The following FBLN1 variants were observed in gnomAD, a reference collection of about 807,000 sequenced individuals.
FBLN1 encodes fibulin 1.
In FBLN1, 34 loss-of-function variants were observed where a neutral mutation model predicts 89.7. That is an observed-to-expected ratio of 0.38 (90% CI 0.29 to 0.50). The LOEUF is 0.50. Among genes scored for constraint, FBLN1 ranks in the 20% least tolerant of loss-of-function variants. FBLN1 has a pLI of 0.92. For missense variants in FBLN1, 777 were observed against 988.1 expected (o/e 0.79, Z 2.86); for synonymous variants, 393 against 391.3 (o/e 1.00, Z -0.05).
chr22:45,554,410 C>T (rs1469029395), intron 14 of FBLN1, among the ~76,000 whole-genome samples: 5 of 152,336 alleles, frequency 3.3e-5, no homozygotes, highest in Non-Finnish European at 7.4e-5. Context: ...GCACCCGTGC[C>T]CACCTTCTTT....
chr22:45,541,282 A>AT lies in FBLN1; in HGVS notation c.977dup (p.Asn327GlnfsTer30). 1.2e-6 allele frequency: 2 copies of AT among 1,614,244 alleles called. No individual in the cohort carries two copies. The highest frequency in any genetic ancestry group is 1.7e-6 in the Non-Finnish European group (2 of 1,180,030). On this transcript the variant is annotated frameshift_variant, in exon 9 of 17. Coordinates refer to ENST00000327858, the MANE Select transcript of FBLN1 (RefSeq NM_006486.3). LOFTEE classifies it high-confidence loss of function. ...CCCGTGCCCTATCGGGCATACATGC[A>AT]TCAACACAGAGGGCTCCTACACGTG...
At position 45,561,851 on chromosome 22, in the gene FBLN1, C is replaced by T. The variant is rs9626393; in HGVS notation, c.1697+11236C>T. ...TCCCAAAACTGAAGAACTTGGAGTCCGATGTTCAAGGGCAGGAAGCATCCA... is the reference window on the plus strand; with the variant it reads ...TCCCAAAACTGAAGAACTTGGAGTCTGATGTTCAAGGGCAGGAAGCATCCA... On this transcript the variant is annotated intron_variant, in intron 14 of 16. Coordinates refer to ENST00000327858, the MANE Select transcript of FBLN1 (RefSeq NM_006486.3). The surrounding 1 kb of genome is among the most constrained non-coding windows in gnomAD (Gnocchi z 4.7). 0.015 allele frequency among the ~76,000 whole-genome samples: 2,342 copies of T among 152,154 alleles called. 67 individuals carry two copies. The highest frequency in any genetic ancestry group is 0.054 in the African/African-American group (2,254 of 41,484).
intron 8 of FBLN1, 65 bp from the exon 9 acceptor site, chr22:45,541,164 C>A: frequency 6.2e-7 from 1 of 1,606,008 alleles, no homozygotes; most frequent in Non-Finnish European, 8.5e-7. Flanking sequence ...TTTGGAGATC[C>A]AGTTTTTGGG....
At chr22:45,546,001 A>G (rs2088621473) in intron 11 of FBLN1, among the ~76,000 whole-genome samples, 1 of 152,050 alleles carries the variant, frequency 6.6e-6, no homozygotes, top group Non-Finnish European at 1.5e-5. Flanking sequence ...TACAAAAATT[A>G]GCCGGGCATG....
chr22:45,533,558 GA>G, intron 6 of FBLN1, among the ~76,000 whole-genome samples: 2 of 152,318 alleles, frequency 1.3e-5, no homozygotes, highest in Admixed American at 1.3e-4. Context: ...AAAAGCAGTA[GA>G]TATGAACGTT....
intron 1 of FBLN1, among the ~76,000 whole-genome samples, chr22:45,515,153 G>A (rs1296265880): frequency 6.6e-6 from 1 of 152,224 alleles, no homozygotes; most frequent in Non-Finnish European, 1.5e-5. Flanking sequence ...TGTGGGTCAG[G>A]GCCCGGCAAT....
At chr22:45,568,515 G>A (rs1192680234) in intron 14 of FBLN1, among the ~76,000 whole-genome samples, 5 of 149,212 alleles carry the variant, frequency 3.4e-5, no homozygotes, top group African/African-American at 1.2e-4. Flanking sequence ...TGCTCCTTCT[G>A]TAGGGGAATG....
chr22:45,533,252 C>T, intron 6 of FBLN1, 88 bp downstream of exon 6: 4 of 1,235,884 alleles, frequency 3.2e-6, no homozygotes, highest in Non-Finnish European at 4.8e-6. Flanking sequence ...GGCCTGCCTT[C>T]TACAACCCAG....
Position 45,536,004 on chromosome 22 carries a change from G to A in FBLN1, c.922+667G>A, listed in dbSNP as rs1306499797. On this transcript the variant is annotated intron_variant, in intron 8 of 16. Transcript: ENST00000327858. The surrounding 1 kb of genome is among the most constrained non-coding windows in gnomAD (Gnocchi z 5.1). ...TTGAGGCCAGCCTGGGCAATATAGCGAGACCCCATCACTACAAAAAATTAG... is the reference window on the plus strand; with the variant it reads ...TTGAGGCCAGCCTGGGCAATATAGCAAGACCCCATCACTACAAAAAATTAG... 2.6e-5 allele frequency among the ~76,000 whole-genome samples: 4 copies of A among 152,172 alleles called. No homozygotes were observed. The highest frequency in any genetic ancestry group is 4.4e-5 in the Non-Finnish European group (3 of 68,036).
chr22:45,565,430 C>CA, intron 14 of FBLN1: 5 of 459,164 alleles, frequency 1.1e-5, no homozygotes, highest in Non-Finnish European at 1.8e-5. Flanking sequence ...TTAGCATGTG[C>CA]CATGCTGTCC....
At chr22:45,596,773 A>T (rs530310471) in intron 16 of FBLN1, among the ~76,000 whole-genome samples, 1 of 147,222 alleles carries the variant, frequency 6.8e-6, no homozygotes, top group Non-Finnish European at 1.5e-5. Flanking sequence ...ATGGATATTT[A>T]TATATAATTA....
At chr22:45,586,819 C>T (rs912058749) in intron 16 of FBLN1, among the ~76,000 whole-genome samples, 2 of 152,044 alleles carry the variant, frequency 1.3e-5, no homozygotes, top group African/African-American at 2.4e-5. Flanking sequence ...CTGGAGTCAG[C>T]CCGAGGGCCC....
chr22:45,550,535 C>G lies in FBLN1; in HGVS notation c.1617C>G (p.Asn539Lys). 1 of 1,614,176 alleles carries G rather than the reference C, an allele frequency of 6.2e-7. No individual in the cohort carries two copies. The highest frequency in any genetic ancestry group is 8.5e-7 in the Non-Finnish European group (1 of 1,180,044). ...CVTGIHNCSI[N>K]ETCFNIQGGF... ...CTGGCATCCACAACTGCTCCATCAACGAGACCTGCTTCAACATCCAGGGCG... is the reference window on the plus strand; with the variant it reads ...CTGGCATCCACAACTGCTCCATCAAGGAGACCTGCTTCAACATCCAGGGCG... Residue 539 changes from asparagine (N) to lysine (K), a missense_variant, in exon 14 of 17, where the codon AAC (asparagine) becomes AAG (lysine). Transcript: ENST00000327858. This position sits in a 1 kb window ranked among gnomAD's most constrained non-coding sequence, Gnocchi z 8.4.
intron 1 of FBLN1, among the ~76,000 whole-genome samples, chr22:45,505,813 C>T (rs1206045897): frequency 1.3e-5 from 2 of 152,066 alleles, no homozygotes; most frequent in Non-Finnish European, 2.9e-5. Flanking sequence ...CTCTTGTCGC[C>T]CAGGCTGGAG....
intron 16 of FBLN1, among the ~76,000 whole-genome samples, chr22:45,591,240 C>A (rs752502854): frequency 6.6e-6 from 1 of 152,162 alleles, no homozygotes; most frequent in Non-Finnish European, 1.5e-5. Flanking sequence ...GCCAAATTTT[C>A]TCCCCGGTGA....
Position 45,549,815 on chromosome 22 carries a change from A to G in FBLN1, c.1574-677A>G, listed in dbSNP as rs895472518. 2.0e-5 allele frequency among the ~76,000 whole-genome samples: 3 copies of G among 152,254 alleles called. No individual in the cohort carries two copies. The East Asian group carries it at 5.8e-4, about 29-fold the overall frequency. ...GCTCCCCCATCTCCAGGGGCCTCTCAGTGTGGTGCCCCAGGCCCCATCCCA... is the reference window on the plus strand; with the variant it reads ...GCTCCCCCATCTCCAGGGGCCTCTCGGTGTGGTGCCCCAGGCCCCATCCCA... On this transcript the variant is annotated intron_variant, in intron 13 of 16. Coordinates refer to ENST00000327858, the MANE Select transcript of FBLN1 (RefSeq NM_006486.3). This position sits in a 1 kb window ranked among gnomAD's most constrained non-coding sequence, Gnocchi z 5.7.
At chr22:45,518,479 T>G in intron 1 of FBLN1, 1 of 628,158 alleles carries the variant, frequency 1.6e-6, no homozygotes, top group South Asian at 1.8e-5. Flanking sequence ...AGGTCTTTCT[T>G]CTAGGAAGGA....
In FBLN1 at chr22:45,531,156, A is replaced by G. The variant is rs2088401005; in HGVS notation, c.485-109A>G. On this transcript the variant is annotated intron_variant, in intron 4 of 16. Transcript: ENST00000327858. The surrounding 1 kb of genome is among the most constrained non-coding windows in gnomAD (Gnocchi z 4.9). ...ACTTAGCTGTTTATATAAGATGTTC[A>G]AATGGGCATTACTGCCTGATAGTGA... 2.2e-6 allele frequency: 2 copies of G among 904,432 alleles called. No homozygotes were observed. Among genetic ancestry groups the G allele is most frequent in the East Asian group, 4.8e-5 (2 of 41,460 alleles). 56.0% of individuals were successfully genotyped at this position (904,432 alleles called of 1,614,324 possible).
At chr22:45,521,985 T>TC (rs2146954912) in intron 2 of FBLN1, among the ~76,000 whole-genome samples, 2 of 151,976 alleles carry the variant, frequency 1.3e-5, no homozygotes, top group African/African-American at 4.8e-5. Context: ...GTTAGCCAGC[T>TC]CTTTTTTTTT....
Sources: gnomAD v4.1 joint callset for allele counts (sites outside exome capture counted in the v4.1 genomes callset) on GRCh38, gnomAD v4.1.1 for gene constraint, Gnocchi (gnomAD v3.1) non-coding constraint, MANE v1.5 for transcripts, NCBI Gene and HGNC (gene_info 2026-07-23, HGNC 2026-07-21) for gene names.